Variants in EPC1 observed in about 807,000 individuals in gnomAD.
EPC1 encodes the protein enhancer of polycomb homolog 1.
Under a neutral mutation model 98.4 loss-of-function variants are expected in EPC1, and 12 were observed. That is an observed-to-expected ratio of 0.12 (90% CI 0.08 to 0.20). The LOEUF (loss-of-function observed/expected upper bound fraction) is 0.20. EPC1 is among the 10% of genes least tolerant of loss of function. The pLI, the probability that EPC1 is intolerant of heterozygous loss-of-function variation, is 1.00. For synonymous variants in EPC1, 357 were observed against 363.9 expected, an observed-to-expected ratio of 0.98 and a Z score of 0.21; for missense variants, 729 against 990.5, an observed-to-expected ratio of 0.74 and a Z score of 3.54.
At chr10:32,306,883 CACAA>C (rs1469995421) in intron 1 of EPC1, among the ~76,000 whole-genome samples, 5 of 138,170 alleles carry the variant, frequency 3.6e-5, no homozygotes, top group Non-Finnish European at 6.5e-5. Flanking sequence ...CACACACACA[CACAA>C]ACAAGTTCAT....
chr10:32,378,353 A>G, intron 1 of EPC1: 1 of 545,242 alleles, frequency 1.8e-6, no homozygotes, highest in Non-Finnish European at 3.1e-6. Context: ...TAACCAGGCA[A>G]GATTAGGTAG....
intron 1 of EPC1, among the ~76,000 whole-genome samples, chr10:32,357,424 G>A (rs1839310720): frequency 6.6e-6 from 1 of 152,182 alleles, no homozygotes; most frequent in Non-Finnish European, 1.5e-5. Context: ...AACACTTTGT[G>A]TTTCTGTTTC....
At chr10:32,285,359 G>T in intron 9 of EPC1, 1 of 253,632 alleles carries the variant, frequency 3.9e-6, no homozygotes, top group Non-Finnish European at 7.5e-6. Flanking sequence ...TTCCTTTTGG[G>T]GGGAAAGGGA....
chr10:32,360,691 C>T (rs935489795), intron 1 of EPC1, among the ~76,000 whole-genome samples: 2 of 152,082 alleles, frequency 1.3e-5, no homozygotes, highest in African/African-American at 2.4e-5. Context: ...GCCGGAAGTT[C>T]GAGACCAGCT....
intron 1 of EPC1, among the ~76,000 whole-genome samples, chr10:32,358,961 G>C (rs1186015404): frequency 1.3e-5 from 2 of 152,188 alleles, no homozygotes; most frequent in Non-Finnish European, 2.9e-5. Flanking sequence ...CTTTAAGATA[G>C]GTAGAGGCTC....
chr10:32,300,627 T>G (rs1835457104), intron 2 of EPC1, among the ~76,000 whole-genome samples: 1 of 151,798 alleles, frequency 6.6e-6, no homozygotes, highest in Non-Finnish European at 1.5e-5. Flanking sequence ...AGAGATAGGG[T>G]TTCACCATGT....
intron 1 of EPC1, among the ~76,000 whole-genome samples, chr10:32,331,941 T>C (rs184451965): frequency 9.8e-4 from 149 of 152,328 alleles, no homozygotes; most frequent in African/African-American, 3.3e-3. Flanking sequence ...ACAGCTTAAA[T>C]CTTACTTTAT....
In EPC1 at chr10:32,325,129, C is replaced by T. The variant is rs576191832; in HGVS notation, c.154-19198G>A. The stretch of plus-strand genomic sequence containing the variant: ...CAATTCTCACTGTAGAACTTAAGGA[C>T]GTTTTATGATAAATTCAAGCACTAT... On this transcript the variant is annotated intron_variant, in intron 1 of 13. Transcript: ENST00000319778. 2.5e-3 allele frequency among the ~76,000 whole-genome samples: 377 copies of T among 152,286 alleles called. 2 individuals are homozygous for T. The highest frequency in any genetic ancestry group is 8.3e-3 in the African/African-American group (345 of 41,546).
In EPC1 at chr10:32,291,202, G is replaced by C. The variant is rs1200362761; in HGVS notation, c.936C>G (p.His312Gln). The change falls in exon 6 of 14, where the codon CAC (histidine) becomes CAG (glutamine). Residue 312 changes from histidine (H) to glutamine (Q), a missense_variant. By Grantham distance (24) the His-to-Gln change is conservative (BLOSUM62 0). This residue lies in a region of EPC1 where 390 missense variants were observed against 438.6 expected (regional missense o/e 0.89). Transcript: ENST00000319778. ...IPITNSSQFKHQEAMDVKEFK... is the reference protein window; with the variant it reads ...IPITNSSQFKQQEAMDVKEFK... ...ACTCCTTCACATCCATTGCTTCCTG[G>C]TGTTTAAATTGACTGCTATTAGTAA... The C allele has an allele frequency of 1.2e-6, 2 of 1,613,750 alleles. No homozygotes were observed.
At chr10:32,282,543 C>T (rs1353019941) in intron 10 of EPC1, 2 of 151,866 alleles carry the variant, frequency 1.3e-5, no homozygotes, top group African/African-American at 2.4e-5. Context: ...ATAGTTGTAT[C>T]GCATATATGG....
chr10:32,337,928 C>A (rs895659320), intron 1 of EPC1, among the ~76,000 whole-genome samples: 1 of 152,204 alleles, frequency 6.6e-6, no homozygotes, highest in Non-Finnish European at 1.5e-5. Flanking sequence ...GTCCTTCCTT[C>A]TTGAGATGCT....
chr10:32,278,167 A>G (rs1347874524), intron 10 of EPC1, among the ~76,000 whole-genome samples: 1 of 151,362 alleles, frequency 6.6e-6, no homozygotes, highest in Non-Finnish European at 1.5e-5. Context: ...CAGCCTCTCA[A>G]GTAGCTGGGA....
intron 1 of EPC1, among the ~76,000 whole-genome samples, chr10:32,373,805 C>A (rs1480663205): frequency 6.6e-6 from 1 of 152,164 alleles, no homozygotes; most frequent in Non-Finnish European, 1.5e-5. Context: ...ATTGTTGAAC[C>A]AAATCTAAAA....
intron 1 of EPC1, among the ~76,000 whole-genome samples, chr10:32,332,448 C>T (rs1290831381): frequency 6.6e-6 from 1 of 152,128 alleles, no homozygotes; most frequent in African/African-American, 2.4e-5. Flanking sequence ...TCTGTGTGAC[C>T]AACAGCACAT....
rs549031548 is a variant in EPC1 at position 32,367,968 on chromosome 10, T to C, written c.3+10523A>G. Among the ~76,000 whole-genome samples the C allele has an allele frequency of 2.6e-5, 4 of 152,340 alleles. No individual in the cohort carries two copies. In the East Asian group the frequency reaches 5.8e-4, roughly 22 times the overall value. ...AAATGTTACATAAGCGAATGTCTTC[T>C]GCGTCTTTCAACTTTTTGGTGCCCT... On this transcript the variant is annotated intron_variant, in intron 1 of 13. Transcript: ENST00000375110.
chr10:32,324,887 C>G lies in EPC1; in HGVS notation c.154-18956G>C, dbSNP rs894338450. Among the ~76,000 whole-genome samples, 15 of 151,914 alleles carry G rather than the reference C, an allele frequency of 9.9e-5. No homozygotes were observed. The East Asian group carries it at 2.9e-3, about 30-fold the overall frequency. On this transcript the variant is annotated intron_variant, in intron 1 of 13. Coordinates refer to ENST00000319778, the MANE Select transcript of EPC1 (RefSeq NM_001272004.3). The stretch of plus-strand genomic sequence containing the variant: ...TGGAGCCTGTAGTCCCAGCCACTTG[C>G]GAGGCTGAGGCAGGAAAATGGCAAA...
intron 1 of EPC1, among the ~76,000 whole-genome samples, chr10:32,367,768 CTG>C (rs1839640700): frequency 6.6e-6 from 1 of 152,162 alleles, no homozygotes; most frequent in African/African-American, 2.4e-5. Flanking sequence ...AGACAACTGC[CTG>C]TTTCTATCCT....
chr10:32,334,255 C>G lies in EPC1; in HGVS notation c.153+12508G>C, dbSNP rs940978245. On this transcript the variant is annotated intron_variant, in intron 1 of 13. Coordinates refer to ENST00000319778, the MANE Select transcript of EPC1 (RefSeq NM_001272004.3). ...TATAGAGGTTACCTTAAGCCTGACC[C>G]AATACTGTATATTTGGCAAGTGTCT... 9.9e-5 allele frequency among the ~76,000 whole-genome samples: 15 copies of G among 152,146 alleles called. 1 individual carries two copies. Among genetic ancestry groups the G allele is most frequent in the Non-Finnish European group, 2.9e-5 (2 of 68,026 alleles).
At chr10:32,272,909 T>G in intron 11 of EPC1, 1 of 885,244 alleles carries the variant, frequency 1.1e-6, no homozygotes, top group Non-Finnish European at 1.8e-6. Context: ...GGTACATTAA[T>G]GGACTACAGG....
Sources: allele counts gnomAD v4.1 joint callset (sites outside exome capture counted in the v4.1 genomes callset), GRCh38; gene constraint gnomAD v4.1.1; regional missense constraint gnomAD v4.1.1; transcripts MANE v1.5; gene names NCBI Gene and HGNC (gene_info 2026-07-23, HGNC 2026-07-21).